LRRTM4: variants seen among roughly 807,000 people sequenced by gnomAD.
The protein encoded by LRRTM4 is leucine rich repeat transmembrane neuronal 4.
LRRTM4 carries 25 observed loss-of-function variants against 47.6 expected under a neutral mutation model. The observed-to-expected ratio is 0.53, with a 90% confidence interval of 0.38 to 0.73. LRRTM4 has a LOEUF of 0.73. Ranked by LOEUF, LRRTM4 falls within the 30% of genes least tolerant of loss-of-function variation. The pLI, the probability that LRRTM4 is intolerant of heterozygous loss-of-function variation, is 0.00. For synonymous variants in LRRTM4, 311 were observed against 269.5 expected (o/e 1.15, Z -1.51); for missense variants, 638 against 713.4 (o/e 0.89, Z 1.20).
chr2:76,780,616 C>T (rs906049180), intron 3 of LRRTM4, among the ~76,000 whole-genome samples: 2 of 152,170 alleles, frequency 1.3e-5, no homozygotes, highest in African/African-American at 4.8e-5. Flanking sequence ...CCATCACCTC[C>T]TTTAAGCACT....
chr2:76,863,752 A>G (rs1173256844), intron 3 of LRRTM4, among the ~76,000 whole-genome samples: 3 of 152,212 alleles, frequency 2.0e-5, no homozygotes, highest in Non-Finnish European at 4.4e-5. Context: ...AGAGGAAGAG[A>G]AAGTAATTGT....
chr2:76,853,541 G>C (rs574267690), intron 3 of LRRTM4, among the ~76,000 whole-genome samples: 16 of 151,944 alleles, frequency 1.1e-4, no homozygotes, highest in African/African-American at 3.9e-4. Context: ...AGTTGTGGAA[G>C]AATTGTCAAG....
At chr2:77,423,841 A>T (rs1169742883) in intron 3 of LRRTM4, among the ~76,000 whole-genome samples, 2 of 152,190 alleles carry the variant, frequency 1.3e-5, no homozygotes, top group East Asian at 3.9e-4. Context: ...GAGTGAGCCA[A>T]TTCATAGTAT....
At chr2:76,802,867 A>G (rs1009668713) in intron 3 of LRRTM4, among the ~76,000 whole-genome samples, 1 of 152,156 alleles carries the variant, frequency 6.6e-6, no homozygotes, top group South Asian at 2.1e-4. Context: ...ACGCTCATCA[A>G]TAAATAGTGT....
rs146768166 is a variant in LRRTM4, at chr2:76,944,549, T to C, written c.1552-195633A>G. 8.6e-3 allele frequency among the ~76,000 whole-genome samples: 1,315 copies of C among 152,202 alleles called. 26 individuals are homozygous for C. The highest frequency in any genetic ancestry group is 0.029 in the African/African-American group (1,210 of 41,542). ...AATGAGTAGAACTGAATGTATTGTT[T>C]CTGAACATGAAAGGAGATGACACAT... On this transcript the variant is annotated intron_variant, in intron 3 of 3. Coordinates refer to ENST00000409884, the MANE Select transcript of LRRTM4 (RefSeq NM_001134745.3).
intron 3 of LRRTM4, among the ~76,000 whole-genome samples, chr2:77,347,041 A>T (rs1671590173): frequency 6.6e-6 from 1 of 152,170 alleles, no homozygotes; most frequent in Non-Finnish European, 1.5e-5. Context: ...TGGTTTGGCC[A>T]ATATAGGGTG....
chr2:76,861,651 C>A (rs1249749237), intron 3 of LRRTM4, among the ~76,000 whole-genome samples: 5 of 152,136 alleles, frequency 3.3e-5, no homozygotes, highest in African/African-American at 1.2e-4. Flanking sequence ...TACTCACTTG[C>A]TGATTTGATA....
At chr2:77,154,592 C>T (rs918562220) in intron 3 of LRRTM4, among the ~76,000 whole-genome samples, 1 of 152,076 alleles carries the variant, frequency 6.6e-6, no homozygotes, top group African/African-American at 2.4e-5. Context: ...AATAAAAAAT[C>T]TTTTAATCTA....
At chr2:77,182,330 C>T (rs1176422290) in intron 3 of LRRTM4, among the ~76,000 whole-genome samples, 1 of 152,016 alleles carries the variant, frequency 6.6e-6, no homozygotes, top group Admixed American at 6.6e-5. Context: ...AACAGAAAAG[C>T]AAACACTGCA....
chr2:77,036,688 A>C, intron 3 of LRRTM4, among the ~76,000 whole-genome samples: 1 of 151,752 alleles, frequency 6.6e-6, no homozygotes, highest in East Asian at 1.9e-4. Flanking sequence ...AGACTTTCAA[A>C]GAGTACCTAT....
At chr2:77,001,440 A>G (rs1322556246) in intron 3 of LRRTM4, among the ~76,000 whole-genome samples, 2 of 152,156 alleles carry the variant, frequency 1.3e-5, no homozygotes, top group Non-Finnish European at 2.9e-5. Flanking sequence ...AATGCAATAC[A>G]ACATTCCTAA....
chr2:76,838,899 T>C (rs900577364), intron 3 of LRRTM4, among the ~76,000 whole-genome samples: 1 of 152,106 alleles, frequency 6.6e-6, no homozygotes, highest in Non-Finnish European at 1.5e-5. Context: ...CTGTTTTTAG[T>C]CACAAAATAA....
At chr2:76,758,623 C>T (rs1419150247) in intron 3 of LRRTM4, among the ~76,000 whole-genome samples, 1 of 152,090 alleles carries the variant, frequency 6.6e-6, no homozygotes, top group Non-Finnish European at 1.5e-5. Flanking sequence ...GAATGACTCA[C>T]AAATAATACT....
At chr2:76,809,019 A>G (rs572182404) in intron 3 of LRRTM4, among the ~76,000 whole-genome samples, 2 of 152,174 alleles carry the variant, frequency 1.3e-5, no homozygotes, top group Non-Finnish European at 2.9e-5. Flanking sequence ...TTTCTCAACC[A>G]TATTTTACCC....
At chr2:77,328,676 G>C (rs1242459618) in intron 3 of LRRTM4, among the ~76,000 whole-genome samples, 1 of 152,182 alleles carries the variant, frequency 6.6e-6, no homozygotes, top group African/African-American at 2.4e-5. Context: ...AGAGTGCAGT[G>C]AGCTACGATC....
In LRRTM4 at chr2:76,922,424, A is replaced by C. The variant is rs548899809; in HGVS notation, c.1552-173508T>G. Among the ~76,000 whole-genome samples, 6 of 152,060 alleles carry C rather than the reference A, an allele frequency of 3.9e-5. No individual in the cohort carries two copies. The South Asian group carries it at 1.2e-3, about 32-fold the overall frequency. On this transcript the variant is annotated intron_variant, in intron 3 of 3. Coordinates refer to ENST00000409884, the MANE Select transcript of LRRTM4 (RefSeq NM_001134745.3). The stretch of plus-strand genomic sequence containing the variant: ...ACATACTTTCAAACAATCAGATCTT[A>C]TGAGAACTCACTTACTGTCAGAATA...
At chr2:77,093,715 C>T (rs1670722236) in intron 3 of LRRTM4, among the ~76,000 whole-genome samples, 1 of 151,956 alleles carries the variant, frequency 6.6e-6, no homozygotes, top group Non-Finnish European at 1.5e-5. Flanking sequence ...CTGTGACTTG[C>T]ACATATACGC....
intron 3 of LRRTM4, among the ~76,000 whole-genome samples, chr2:76,909,716 T>C (rs1363936553): frequency 6.6e-6 from 1 of 152,148 alleles, no homozygotes; most frequent in Non-Finnish European, 1.5e-5. Context: ...AAAGAAGACA[T>C]TTATGCAGCC....
chr2:76,836,373 T>A (rs1490880879), intron 3 of LRRTM4, among the ~76,000 whole-genome samples: 1 of 151,964 alleles, frequency 6.6e-6, no homozygotes, highest in African/African-American at 2.4e-5. Context: ...CAACACATAT[T>A]ATCTTTCTTC....
Sources: gnomAD v4.1 joint callset for allele counts (sites outside exome capture counted in the v4.1 genomes callset) on GRCh38, gnomAD v4.1.1 for gene constraint, MANE v1.5 for transcripts, NCBI Gene and HGNC (gene_info 2026-07-23, HGNC 2026-07-21) for gene names.